Variants in CELF2 observed in about 807,000 individuals in gnomAD.
CELF2 encodes the protein CUGBP Elav-like family member 2, also known as CUG triplet repeat RNA-binding protein 2.
A neutral mutation model predicts 62.6 loss-of-function variants in CELF2; 8 were observed. That is an observed-to-expected ratio of 0.13 (90% CI 0.07 to 0.23). CELF2 has a LOEUF of 0.23. Among genes scored for constraint, CELF2 ranks in the 10% least tolerant of loss-of-function variants. The pLI is 1.00. For missense variants in CELF2, 333 were observed against 671.0 expected (o/e 0.50, Z 5.56); for synonymous variants, 258 against 250.0 (o/e 1.03, Z -0.30).
the CELF2 span, among the ~76,000 whole-genome samples, chr10:10,731,615 T>A: frequency 6.6e-6 from 1 of 152,298 alleles, no homozygotes; most frequent in African/African-American, 2.4e-5. Context: ...ATGTGGTTAG[T>A]CCGTATTTGA....
At chr10:10,992,622 G>T (rs1233556929) in intron 2 of CELF2, among the ~76,000 whole-genome samples, 1 of 152,180 alleles carries the variant, frequency 6.6e-6, no homozygotes, top group Non-Finnish European at 1.5e-5. Context: ...GAAGTACGGA[G>T]AAATATTTCA....
chr10:10,910,461 G>A (rs773089996), intron 1 of CELF2, among the ~76,000 whole-genome samples: 5 of 152,086 alleles, frequency 3.3e-5, no homozygotes, highest in Non-Finnish European at 5.9e-5. Context: ...TTGGGAGGCC[G>A]AGGTGGGCAG....
At chr10:10,584,429 G>A in the CELF2 span, among the ~76,000 whole-genome samples, 8 of 152,330 alleles carry the variant, frequency 5.3e-5, no homozygotes, top group Non-Finnish European at 8.8e-5. Context: ...AGCAGTGTAT[G>A]AATGGTTGAA....
intron 1 of CELF2, among the ~76,000 whole-genome samples, chr10:11,122,850 G>C (rs1623025): frequency 0.55 from 83,064 of 152,022 alleles, 23,274 homozygotes; most frequent in East Asian, 0.81. Flanking sequence ...TTGTGGAGAT[G>C]AACAGCAGAA....
intron 2 of CELF2, among the ~76,000 whole-genome samples, chr10:10,967,057 G>A (rs931739214): frequency 3.9e-5 from 6 of 152,118 alleles, no homozygotes; most frequent in African/African-American, 1.2e-4. Flanking sequence ...TTCGAGAACC[G>A]GGCAGCCCCA....
At chr10:10,486,798 T>TGTA in the CELF2 span, among the ~76,000 whole-genome samples, 1 of 152,172 alleles carries the variant, frequency 6.6e-6, no homozygotes, top group South Asian at 2.1e-4. Flanking sequence ...TCCTGGAGTT[T>TGTA]GTACCCTAAC....
At chr10:11,144,558 C>T (rs1483974084) in intron 1 of CELF2, among the ~76,000 whole-genome samples, 1 of 149,302 alleles carries the variant, frequency 6.7e-6, no homozygotes, top group African/African-American at 2.5e-5. Flanking sequence ...ACTTCAGGAA[C>T]AAACTTTCAA....
chr10:10,581,482 A>T, the CELF2 span, among the ~76,000 whole-genome samples: 1 of 152,096 alleles, frequency 6.6e-6, no homozygotes, highest in African/African-American at 2.4e-5. Flanking sequence ...CAGGGTGGAG[A>T]TTGTGTCAGT....
rs561164677 is a variant in CELF2 at position 11,178,768 on chromosome 10, G to T, written c.271+13086G>T. The stretch of plus-strand genomic sequence containing the variant: ...TAGAATGCTCAGGAGATAAGAGTGG[G>T]GCCTATCGCTCTGTGGCTTTCTCCC... On this transcript the variant is annotated intron_variant, in intron 2 of 12. Transcript: ENST00000633077. The surrounding 1 kb of genome is among the most constrained non-coding windows in gnomAD (Gnocchi z 4.3). 3.9e-5 allele frequency among the ~76,000 whole-genome samples: 6 copies of T among 152,296 alleles called. No individual in the cohort carries two copies. The highest frequency in any genetic ancestry group is 3.9e-4 in the Admixed American group (6 of 15,310).
intron 1 of CELF2, among the ~76,000 whole-genome samples, chr10:10,873,350 AAAAT>A (rs1270109345): frequency 2.0e-5 from 3 of 152,216 alleles, no homozygotes; most frequent in African/African-American, 4.8e-5. Context: ...TGTTGAACTT[AAAAT>A]AAATAAATAA....
At chr10:11,170,277 G>C (rs948674014) in intron 2 of CELF2, among the ~76,000 whole-genome samples, 1 of 152,180 alleles carries the variant, frequency 6.6e-6, no homozygotes, top group African/African-American at 2.4e-5. Context: ...ACAACACAAA[G>C]TTTCAGAAAT....
intron 3 of CELF2, among the ~76,000 whole-genome samples, chr10:11,225,509 C>G (rs1009926199): frequency 1.3e-5 from 2 of 152,170 alleles, no homozygotes; most frequent in African/African-American, 4.8e-5. Flanking sequence ...ATGGGTTAGT[C>G]ATTTTAGAGT....
chr10:10,786,772 T>A, the CELF2 span: 1 of 152,236 alleles, frequency 6.6e-6, no homozygotes, highest in African/African-American at 2.4e-5. Flanking sequence ...TTAAGCAAAG[T>A]GAAAATCTGA....
chr10:11,321,652 A>G lies in CELF2; in HGVS notation c.1294+266A>G, dbSNP rs1451244001. On this transcript the variant is annotated intron_variant, in intron 11 of 12. Coordinates refer to ENST00000633077, the MANE Select transcript of CELF2 (RefSeq NM_001326342.2). This position sits in a 1 kb window ranked among gnomAD's most constrained non-coding sequence, Gnocchi z 6.2. ...GTGAGCCATGGTCATGCCTGTGACTAGCCACTGCACTCCATTCGGGGAACA... is the reference window on the plus strand; with the variant it reads ...GTGAGCCATGGTCATGCCTGTGACTGGCCACTGCACTCCATTCGGGGAACA... Among the ~76,000 whole-genome samples the G allele has an allele frequency of 6.6e-6, 1 of 152,160 alleles. No homozygotes were observed. Among genetic ancestry groups the G allele is most frequent in the East Asian group, 1.9e-4 (1 of 5,204 alleles).
chr10:10,654,287 G>A, the CELF2 span, among the ~76,000 whole-genome samples: 4 of 113,100 alleles, frequency 3.5e-5, no homozygotes, highest in Non-Finnish European at 5.8e-5. Flanking sequence ...TCTACCAGAG[G>A]TACAAGGAGG....
intron 1 of CELF2, among the ~76,000 whole-genome samples, chr10:10,870,838 C>T (rs1030440785): frequency 6.6e-6 from 1 of 152,132 alleles, no homozygotes; most frequent in Non-Finnish European, 1.5e-5. Flanking sequence ...GCACAGTCTC[C>T]AAACAGTAAA....
In CELF2 at chr10:11,255,833, ACATATCAAACT is replaced by A. The variant is rs143123818; in HGVS notation, c.404-1901_404-1891del. On this transcript the variant is annotated intron_variant, in intron 4 of 12. Transcript: ENST00000633077. The surrounding 1 kb of genome is among the most constrained non-coding windows in gnomAD (Gnocchi z 5.5). ...AGAGGTCAGCCTATTCTCCAAAGAC[ACATATCAAACT>A]CATGGCAGCACCGGACCTAGAACCT... 1.5e-3 allele frequency among the ~76,000 whole-genome samples: 232 copies of A among 152,230 alleles called. 2 individuals carry two copies. The highest frequency in any genetic ancestry group is 5.5e-3 in the African/African-American group (228 of 41,548).
the CELF2 span, among the ~76,000 whole-genome samples, chr10:10,791,384 C>T: frequency 6.6e-6 from 1 of 151,578 alleles, no homozygotes; most frequent in Non-Finnish European, 1.5e-5. Context: ...CAATTTCCAA[C>T]TTTGCCAGTA....
chr10:11,145,041 C>T lies in CELF2; in HGVS notation c.75-20445C>T, dbSNP rs2062022297. Among the ~76,000 whole-genome samples the T allele has an allele frequency of 3.3e-5, 5 of 151,142 alleles. No individual in the cohort carries two copies. Among genetic ancestry groups the T allele is most frequent in the Admixed American group, 1.3e-4 (2 of 15,162 alleles). On this transcript the variant is annotated intron_variant, in intron 1 of 12. Transcript: ENST00000633077. The surrounding 1 kb of genome is among the most constrained non-coding windows in gnomAD (Gnocchi z 4.3). ...GCAGCTTAATAGAATTTGAATATAA[C>T]TAAATCCATCCACTTAGCATAACTG...
Sources: allele counts gnomAD v4.1 joint callset (sites outside exome capture counted in the v4.1 genomes callset), GRCh38; gene constraint gnomAD v4.1.1; non-coding constraint Gnocchi (gnomAD v3.1); transcripts MANE v1.5; gene names NCBI Gene and HGNC (gene_info 2026-07-23, HGNC 2026-07-21).